USP31: variants seen among roughly 807,000 people sequenced by gnomAD.
USP31 encodes the protein ubiquitin specific peptidase 31.
Under a neutral mutation model 119.4 loss-of-function variants are expected in USP31, and 44 were observed. The ratio of observed to expected loss-of-function variants is 0.37; its 90% CI spans 0.29 to 0.47. The LOEUF is 0.47. Among genes scored for constraint, USP31 ranks in the 20% least tolerant of loss-of-function variants. USP31 has a pLI of 0.99. For synonymous variants in USP31, 749 were observed against 705.6 expected (o/e 1.06, Z -0.97); for missense variants, 1,643 against 1,730.2 (o/e 0.95, Z 0.89).
chr16:23,140,544 T>C (rs1176982229), intron 1 of USP31, among the ~76,000 whole-genome samples: 1 of 152,206 alleles, frequency 6.6e-6, no homozygotes, highest in African/African-American at 2.4e-5. Context: ...AATATTTCCC[T>C]AGCAACTTAG....
intron 1 of USP31, among the ~76,000 whole-genome samples, chr16:23,132,410 CACAA>C (rs534546411): frequency 1.3e-5 from 2 of 150,814 alleles, no homozygotes; most frequent in African/African-American, 2.4e-5. Context: ...GTGGGGACTA[CACAA>C]ACAGAGAACA....
At chr16:23,135,137 T>TAA (rs71151697) in intron 1 of USP31, among the ~76,000 whole-genome samples, 205 of 127,840 alleles carry the variant, frequency 1.6e-3, no homozygotes, top group African/African-American at 5.7e-3. Flanking sequence ...TTTCATGATT[T>TAA]AAAAAAAAAA....
chr16:23,114,279 T>C (rs1364054660), intron 1 of USP31, among the ~76,000 whole-genome samples: 1 of 147,466 alleles, frequency 6.8e-6, no homozygotes, highest in Non-Finnish European at 1.5e-5. Flanking sequence ...ACCTGGTTTT[T>C]TGAGTTTATT....
chr16:23,063,540 A>G lies in USP31; in HGVS notation c.*4506T>C, dbSNP rs1004648768. 3 of 152,708 alleles carry G rather than the reference A, an allele frequency of 2.0e-5. No individual in the cohort carries two copies. Among genetic ancestry groups the G allele is most frequent in the African/African-American group, 7.2e-5 (3 of 41,564 alleles). 9.5% of individuals were successfully genotyped at this position (152,708 alleles called of 1,614,324 possible). Reference sequence around the variant, plus strand: ...TCAGGCTAAATACAGTATGTACACCAATGATGTGTGTTCAACATATCCAAT... The same window carrying G: ...TCAGGCTAAATACAGTATGTACACCGATGATGTGTGTTCAACATATCCAAT... On this transcript the variant is annotated 3_prime_UTR_variant, in exon 16 of 16. Transcript: ENST00000219689.
intron 2 of USP31, 130 bp downstream of exon 2, chr16:23,107,916 C>A: frequency 9.0e-7 from 1 of 1,106,036 alleles, no homozygotes. Flanking sequence ...CTTTAAGTAG[C>A]CACTGAATCT....
chr16:23,104,659 G>A (rs926446473), intron 5 of USP31, among the ~76,000 whole-genome samples: 4 of 152,184 alleles, frequency 2.6e-5, no homozygotes, highest in Admixed American at 2.0e-4. Context: ...TGAGGCCAAA[G>A]TACAAAACAC....
Position 23,149,045 on chromosome 16 carries a change from A to G in USP31, c.226T>C (p.Ser76Pro). 8.0e-7 allele frequency: 1 copy of G among 1,243,906 alleles called. No homozygotes were observed. Among genetic ancestry groups the G allele is most frequent in the South Asian group, 2.0e-5 (1 of 49,860 alleles). 77.1% of individuals were successfully genotyped at this position (1,243,906 alleles called of 1,614,324 possible). The change falls in exon 1 of 16, where the codon TCG becomes CCG. Residue 76 changes from serine to proline, a missense_variant. Ser to Pro is a moderately conservative substitution (Grantham distance 74). Coordinates refer to ENST00000219689, the MANE Select transcript of USP31 (RefSeq NM_020718.4). ...GCGGCGCCCTCAGAGCTAAGGTGCG[A>G]GAGCGTGGACAGCGTCTTGAGAACG... is the stretch of plus-strand genomic sequence containing the variant. ...SRVLKTLSTL[S>P]HLSSEGAAPD...
intron 1 of USP31, among the ~76,000 whole-genome samples, chr16:23,113,798 A>G (rs1183576754): frequency 6.6e-6 from 1 of 152,084 alleles, no homozygotes; most frequent in Admixed American, 6.5e-5. Context: ...CAGAAAGGAG[A>G]TATCTGAATA....
chr16:23,078,167 C>A (rs1221461676), intron 13 of USP31, among the ~76,000 whole-genome samples: 1 of 151,870 alleles, frequency 6.6e-6, no homozygotes, highest in African/African-American at 2.4e-5. Flanking sequence ...CAAAAATTAG[C>A]TGGGTGTGGT....
chr16:23,095,551 T>C (rs1026170925), intron 6 of USP31, among the ~76,000 whole-genome samples: 1 of 152,142 alleles, frequency 6.6e-6, no homozygotes, highest in Non-Finnish European at 1.5e-5. Flanking sequence ...AATTGTCAGA[T>C]TCACCAAGGT....
intron 1 of USP31, among the ~76,000 whole-genome samples, chr16:23,116,594 T>G (rs954185465): frequency 2.0e-5 from 3 of 152,226 alleles, no homozygotes; most frequent in Admixed American, 1.3e-4. Flanking sequence ...CCTCCTTATC[T>G]TCTCCTCTGA....
At position 23,117,467 on chromosome 16, in the gene USP31, T is replaced by C. The variant is rs529704968; in HGVS notation, c.634-9284A>G. 7.5e-4 allele frequency among the ~76,000 whole-genome samples: 114 copies of C among 152,350 alleles called. 1 individual carries two copies. Among genetic ancestry groups the C allele is most frequent in the East Asian group, 7.7e-4 (4 of 5,192 alleles). Reference sequence around the variant, plus strand: ...ATGGTTACTGCATTTCAAGAAATTATAACTGACTCGTGAAACCACAAAACT... The same window carrying C: ...ATGGTTACTGCATTTCAAGAAATTACAACTGACTCGTGAAACCACAAAACT... On this transcript the variant is annotated intron_variant, in intron 1 of 15. Coordinates refer to ENST00000219689, the MANE Select transcript of USP31 (RefSeq NM_020718.4).
In USP31 at chr16:23,069,249, T is replaced by A. The variant is rs1383444134; in HGVS notation, c.2856A>T (p.Glu952Asp). Residue 952 changes from glutamate to aspartate, a missense_variant, in exon 16 of 16, where the codon GAA (glutamate) becomes GAT (aspartate). Physicochemically the swap from Glu to Asp is conservative, Grantham distance 45. This residue lies in a region of USP31 where 699 missense variants were observed against 650.9 expected (regional missense o/e 1.07). Transcript: ENST00000219689. Reference protein sequence around the residue: ...LAVMEGVFKDESDTRRLNSSV... With the variant: ...LAVMEGVFKDDSDTRRLNSSV... ...TGGAGTTCAATCTGCGGGTGTCCGATTCGTCTTTGAACACGCCTTCCATGA... is the reference window on the plus strand; with the variant it reads ...TGGAGTTCAATCTGCGGGTGTCCGAATCGTCTTTGAACACGCCTTCCATGA... The A allele has an allele frequency of 6.2e-7, 1 of 1,614,094 alleles. No homozygotes were observed. Among genetic ancestry groups the A allele is most frequent in the East Asian group, 2.2e-5 (1 of 44,884 alleles).
At chr16:23,106,370 A>G in intron 3 of USP31, 29 bp downstream of exon 3, 3 of 1,613,646 alleles carry the variant, frequency 1.9e-6, no homozygotes, top group Non-Finnish European at 1.7e-6. Context: ...GGTAAACAAA[A>G]TAAGTGGAAA....
chr16:23,134,937 T>C (rs1464429457), intron 1 of USP31, among the ~76,000 whole-genome samples: 6 of 151,466 alleles, frequency 4.0e-5, no homozygotes, highest in Non-Finnish European at 7.4e-5. Context: ...AGAGCTCTTA[T>C]AAAGTTTAAA....
intron 13 of USP31, among the ~76,000 whole-genome samples, chr16:23,078,180 T>C (rs927014189): frequency 2.2e-4 from 33 of 151,476 alleles, no homozygotes; most frequent in Admixed American, 9.2e-4. Flanking sequence ...GGTGTGGTGG[T>C]GTGTGCCTGT....
Position 23,087,200 on chromosome 16 carries a change from T to C in USP31, c.1528-14A>G. The C allele has an allele frequency of 6.2e-7, 1 of 1,605,690 alleles. No individual in the cohort carries two copies. The highest frequency in any genetic ancestry group is 8.5e-7 in the Non-Finnish European group (1 of 1,177,518). On this transcript the variant is annotated splice_polypyrimidine_tract_variant and intron_variant, in intron 8 of 15. Transcript: ENST00000219689. ...GAATGGACACACCTGCATCAGATGT[T>C]AGATGAGAATTAAGCCAAATTTTTC...
At chr16:23,097,217 T>C (rs1205006114) in intron 6 of USP31, among the ~76,000 whole-genome samples, 1 of 152,156 alleles carries the variant, frequency 6.6e-6, no homozygotes, top group East Asian at 1.9e-4. Context: ...TAAACACCTC[T>C]ACACAAATAA....
chr16:23,119,566 G>A (rs1902601638), intron 1 of USP31, among the ~76,000 whole-genome samples: 1 of 152,194 alleles, frequency 6.6e-6, no homozygotes, highest in Admixed American at 6.5e-5. Context: ...TAGACATAAA[G>A]CACGACTGAG....
Sources: gnomAD v4.1 joint callset for allele counts (sites outside exome capture counted in the v4.1 genomes callset) on GRCh38, gnomAD v4.1.1 for gene constraint, gnomAD v4.1.1 regional missense constraint, MANE v1.5 for transcripts, NCBI Gene and HGNC (gene_info 2026-07-23, HGNC 2026-07-21) for gene names.